ADGRL2: variants seen among roughly 807,000 people sequenced by gnomAD.
The protein encoded by ADGRL2 is adhesion G protein-coupled receptor L2.
Under a neutral mutation model 157.4 loss-of-function variants are expected in ADGRL2, and 44 were observed. That is an observed-to-expected ratio of 0.28 (90% CI 0.22 to 0.36). The LOEUF (loss-of-function observed/expected upper bound fraction) is 0.36, where lower values mean the gene tolerates loss of function less well. Ranked by LOEUF, ADGRL2 falls within the 10% of genes least tolerant of loss-of-function variation. The pLI is 1.00. For synonymous variants in ADGRL2, 585 were observed against 624.7 expected (o/e 0.94, Z 0.95); for missense variants, 1,510 against 1,768.9 (o/e 0.85, Z 2.63).
chr1:81,448,618 T>A (rs2077646856), intron 2 of ADGRL2, among the ~76,000 whole-genome samples: 1 of 152,026 alleles, frequency 6.6e-6, no homozygotes, highest in Non-Finnish European at 1.5e-5. Flanking sequence ...GGAGGATCAC[T>A]TGACCCCAGG....
chr1:81,368,281 G>A (rs1411404740), intron 1 of ADGRL2, among the ~76,000 whole-genome samples: 1 of 152,170 alleles, frequency 6.6e-6, no homozygotes, highest in African/African-American at 2.4e-5. Context: ...AATGACCAGT[G>A]ATGTTGATCT....
chr1:81,308,156 A>C (rs1659483867), intron 1 of ADGRL2, among the ~76,000 whole-genome samples: 1 of 152,172 alleles, frequency 6.6e-6, no homozygotes, highest in Non-Finnish European at 1.5e-5. Context: ...TATTTATTAC[A>C]CAGTAATTAG....
At chr1:81,980,149 T>C (rs140647714) in intron 18 of ADGRL2, among the ~76,000 whole-genome samples, 189 bp downstream of exon 18, 1 of 151,736 alleles carries the variant, frequency 6.6e-6, no homozygotes, top group African/African-American at 2.4e-5. Context: ...ATAATTGCTG[T>C]CTTGATCTAG....
At chr1:81,432,968 T>C (rs1321677483) in intron 1 of ADGRL2, among the ~76,000 whole-genome samples, 1 of 152,174 alleles carries the variant, frequency 6.6e-6, no homozygotes, top group African/African-American at 2.4e-5. Context: ...TGTGGAAATA[T>C]GTACCTTGGG....
At chr1:81,507,119 T>A (rs1376826964) in intron 2 of ADGRL2, among the ~76,000 whole-genome samples, 1 of 151,760 alleles carries the variant, frequency 6.6e-6, no homozygotes, top group East Asian at 1.9e-4. Flanking sequence ...GGGGAAAGGT[T>A]GCTGTTTTAG....
chr1:81,672,985 T>G (rs1328880097), intron 3 of ADGRL2, among the ~76,000 whole-genome samples: 1 of 152,226 alleles, frequency 6.6e-6, no homozygotes, highest in Non-Finnish European at 1.5e-5. Context: ...GACTGTGTAC[T>G]AGTTCCAACT....
intron 1 of ADGRL2, among the ~76,000 whole-genome samples, chr1:81,355,694 CAA>C (rs1309542771): frequency 6.6e-6 from 1 of 152,170 alleles, no homozygotes; most frequent in Non-Finnish European, 1.5e-5. Flanking sequence ...CATGGGAAGA[CAA>C]GAGACTATTA....
At chr1:81,432,680 G>A (rs559615243) in intron 1 of ADGRL2, among the ~76,000 whole-genome samples, 11 of 151,942 alleles carry the variant, frequency 7.2e-5, no homozygotes, top group Admixed American at 7.2e-4. Context: ...CCTCGGCGCC[G>A]CTCCCCTCCC....
At chr1:81,888,669 T>G (rs935235298) in intron 2 of ADGRL2, among the ~76,000 whole-genome samples, 4 of 152,038 alleles carry the variant, frequency 2.6e-5, no homozygotes, top group Non-Finnish European at 5.9e-5. Context: ...ACCCAGGATG[T>G]TCTCGATCTC....
intron 1 of ADGRL2, among the ~76,000 whole-genome samples, chr1:81,407,091 T>C (rs1218969274): frequency 2.0e-5 from 3 of 152,240 alleles, no homozygotes; most frequent in Non-Finnish European, 2.9e-5. Context: ...TCTCCAGAAA[T>C]CTTCATGGAA....
rs369645930 is a variant in ADGRL2 at position 81,760,824 on chromosome 1, T to C, written c.-142-987T>C. ...AAATAAAGTATTTCTGTGTTTAAAT[T>C]TTTTTTACATTAAGAGCTTGCATTA... is the stretch of plus-strand genomic sequence containing the variant. On this transcript the variant is annotated intron_variant, in intron 1 of 20. Coordinates refer to the ADGRL2 transcript ENST00000359929. 1.4e-3 allele frequency among the ~76,000 whole-genome samples: 217 copies of C among 151,880 alleles called. 6 individuals carry two copies. In the South Asian group the frequency reaches 0.041, roughly 29 times the overall value.
chr1:81,928,929 G>C (rs1247692319), intron 3 of ADGRL2, among the ~76,000 whole-genome samples: 1 of 151,982 alleles, frequency 6.6e-6, no homozygotes, highest in African/African-American at 2.4e-5. Flanking sequence ...ACCATTGCTA[G>C]TATTTTGTAA....
chr1:81,355,171 T>C (rs1247413864), intron 1 of ADGRL2, among the ~76,000 whole-genome samples: 1 of 152,014 alleles, frequency 6.6e-6, no homozygotes, highest in Non-Finnish European at 1.5e-5. Context: ...GCCAAAATGG[T>C]GAAACCCCAA....
chr1:81,465,648 C>T (rs1370362217), intron 2 of ADGRL2, among the ~76,000 whole-genome samples: 3 of 152,116 alleles, frequency 2.0e-5, no homozygotes, highest in East Asian at 1.9e-4. Context: ...CCTAGTTTTA[C>T]GTCCCTATGA....
intron 3 of ADGRL2, among the ~76,000 whole-genome samples, chr1:81,922,178 G>T (rs751394475): frequency 4.6e-4 from 70 of 152,140 alleles, no homozygotes; most frequent in Non-Finnish European, 1.2e-4. Context: ...AGGGAAAGTG[G>T]TAAGTTATGG....
At chr1:81,419,604 A>G (rs2077091373) in intron 1 of ADGRL2, among the ~76,000 whole-genome samples, 2 of 152,234 alleles carry the variant, frequency 1.3e-5, no homozygotes, top group African/African-American at 2.4e-5. Context: ...ACCAAGCATC[A>G]TCAAACTTTG....
Position 81,644,147 on chromosome 1 carries a change from C to T in ADGRL2, c.-143+63167C>T, listed in dbSNP as rs376053778. Among the ~76,000 whole-genome samples the T allele has an allele frequency of 3.3e-5, 5 of 152,242 alleles. No individual in the cohort carries two copies. The South Asian group carries it at 6.2e-4, about 19-fold the overall frequency. ...GGAAGAAAGTCTTCTCAACAAATGG[C>T]GCTGAACAACTGACATCTACATGTA... On this transcript the variant is annotated intron_variant, in intron 3 of 24. Transcript: ENST00000370721.
intron 3 of ADGRL2, among the ~76,000 whole-genome samples, chr1:81,589,268 T>C (rs917092565): frequency 3.3e-5 from 5 of 152,172 alleles, no homozygotes; most frequent in Admixed American, 3.3e-4. Context: ...AACATGATTT[T>C]ATCCATATGG....
chr1:81,914,621 G>A (rs866951363), intron 3 of ADGRL2, among the ~76,000 whole-genome samples: 23 of 152,192 alleles, frequency 1.5e-4, no homozygotes, highest in Middle Eastern at 3.4e-3. Context: ...AAATACATAC[G>A]GGGGAAATGA....
Sources: gnomAD v4.1 joint callset for allele counts (sites outside exome capture counted in the v4.1 genomes callset) on GRCh38, gnomAD v4.1.1 for gene constraint, MANE v1.5 for transcripts, NCBI Gene and HGNC (gene_info 2026-07-23, HGNC 2026-07-21) for gene names.